Variants in INTS4 observed in about 807,000 individuals in gnomAD.
INTS4 encodes the protein integrator complex subunit 4.
Under a neutral mutation model 119.5 loss-of-function variants are expected in INTS4, and 70 were observed. The ratio of observed to expected loss-of-function variants is 0.59; its 90% CI spans 0.48 to 0.71. The LOEUF (loss-of-function observed/expected upper bound fraction) is 0.71, where lower values mean the gene tolerates loss of function less well. Among genes scored for constraint, INTS4 ranks in the 30% least tolerant of loss-of-function variants. The probability of loss-of-function intolerance (pLI) is 0.00; values close to 1 mark genes in which losing one functional copy is unlikely to be tolerated. For synonymous variants in INTS4, 316 were observed against 419.6 expected, an observed-to-expected ratio of 0.75 and a Z score of 3.02; for missense variants, 867 against 1,173.2, an observed-to-expected ratio of 0.74 and a Z score of 3.81.
intron 22 of INTS4, among the ~76,000 whole-genome samples, chr11:77,879,556 T>C (rs1053314332): frequency 2.6e-5 from 4 of 152,174 alleles, no homozygotes; most frequent in African/African-American, 7.2e-5. Context: ...GACTACTTTA[T>C]TAGTGGAGAG....
At chr11:77,879,592 G>A (rs963204335) in intron 22 of INTS4, among the ~76,000 whole-genome samples, 4 of 152,110 alleles carry the variant, frequency 2.6e-5, no homozygotes, top group Admixed American at 2.6e-4. Flanking sequence ...GAAGTGGTTC[G>A]CCAAAAAGTT....
At chr11:77,883,531 T>C (rs1951873872) in intron 22 of INTS4, among the ~76,000 whole-genome samples, 5 of 152,300 alleles carry the variant, frequency 3.3e-5, no homozygotes, top group Admixed American at 3.3e-4. Flanking sequence ...GCAGTTAGGA[T>C]AAGAATAATC....
At chr11:77,913,613 T>C (rs1267538353) in intron 15 of INTS4, among the ~76,000 whole-genome samples, 1 of 152,140 alleles carries the variant, frequency 6.6e-6, no homozygotes, top group Non-Finnish European at 1.5e-5. Context: ...GCCCAGCCAG[T>C]TAGTTTAAAT....
intron 10 of INTS4, among the ~76,000 whole-genome samples, chr11:77,928,903 C>T (rs1953576905): frequency 6.6e-6 from 1 of 152,034 alleles, no homozygotes; most frequent in African/African-American, 2.4e-5. Flanking sequence ...CGCCTATAGT[C>T]CCATCTACTT....
intron 3 of INTS4, among the ~76,000 whole-genome samples, chr11:77,981,027 T>A (rs925108428): frequency 6.6e-6 from 1 of 151,984 alleles, no homozygotes; most frequent in Non-Finnish European, 1.5e-5. Flanking sequence ...ACGAGTACTG[T>A]ATGTTCAGTT....
downstream of INTS4, chr11:77,876,903 C>T (rs1271485889): frequency 1.4e-6 from 1 of 696,402 alleles, no homozygotes; most frequent in Non-Finnish European, 2.6e-6. Flanking sequence ...ATAATTACAG[C>T]ACGATGGGCT....
intron 18 of INTS4, among the ~76,000 whole-genome samples, chr11:77,896,153 A>G (rs1380304810): frequency 6.6e-6 from 1 of 152,218 alleles, no homozygotes; most frequent in South Asian, 2.1e-4. Flanking sequence ...GGGGATTTAA[A>G]AGGATATTAC....
intron 15 of INTS4, chr11:77,918,031 C>T (rs1387021955): frequency 1.4e-6 from 1 of 701,622 alleles, no homozygotes; most frequent in Non-Finnish European, 2.6e-6. Flanking sequence ...GAGATGATAC[C>T]TTTCTCTTCC....
At chr11:77,945,843 C>T (rs1013508077) in intron 8 of INTS4, among the ~76,000 whole-genome samples, 1 of 152,218 alleles carries the variant, frequency 6.6e-6, no homozygotes, top group Admixed American at 6.5e-5. Context: ...CACAGTCCCA[C>T]AGCACACAGT....
chr11:77,917,610 G>A (rs373585849), intron 15 of INTS4, among the ~76,000 whole-genome samples: 5 of 151,866 alleles, frequency 3.3e-5, no homozygotes, highest in South Asian at 2.1e-4. Flanking sequence ...GCACCTGGCC[G>A]ATATAATATT....
chr11:77,961,454 G>C (rs1003520525), intron 4 of INTS4, among the ~76,000 whole-genome samples: 1 of 151,998 alleles, frequency 6.6e-6, no homozygotes. Context: ...CGTTTTATTT[G>C]CTTTCAAATT....
intron 15 of INTS4, among the ~76,000 whole-genome samples, chr11:77,908,383 C>T (rs375570006): frequency 1.3e-5 from 2 of 149,868 alleles, no homozygotes; most frequent in South Asian, 2.1e-4. Context: ...GACTGGAGTA[C>T]AGTGGCGTGA....
At chr11:77,890,943 A>G (rs1952235384) in intron 21 of INTS4, among the ~76,000 whole-genome samples, 1 of 152,212 alleles carries the variant, frequency 6.6e-6, no homozygotes, top group Non-Finnish European at 1.5e-5. Context: ...CGACTGACTC[A>G]TAGCCTGAAA....
At position 77,991,316 on chromosome 11, in the gene INTS4, A is replaced by G. The variant is rs1328164473; in HGVS notation, c.55-17T>C. The G allele has an allele frequency of 6.3e-7, 1 of 1,596,442 alleles. No homozygotes were observed. Among genetic ancestry groups the G allele is most frequent in the South Asian group, 1.1e-5 (1 of 90,142 alleles). ...CTCCTGTGGCTGCAAGGGGTAGAGA[A>G]AATCGAAAACACAGAATCTGCAAAT... On this transcript the variant is annotated splice_polypyrimidine_tract_variant and intron_variant, in intron 1 of 22. Transcript: ENST00000534064.
At chr11:77,970,928 C>A (rs1855705085) in intron 4 of INTS4, among the ~76,000 whole-genome samples, 1 of 152,138 alleles carries the variant, frequency 6.6e-6, no homozygotes, top group South Asian at 2.1e-4. Context: ...ATGCCTCAGC[C>A]TCCCGAGTAG....
intron 21 of INTS4, among the ~76,000 whole-genome samples, chr11:77,885,981 G>A (rs1191911684): frequency 3.3e-5 from 5 of 152,054 alleles, no homozygotes. Flanking sequence ...CGGGAGGATT[G>A]CTTGAAGACA....
chr11:77,958,931 G>C (rs1565273062), intron 6 of INTS4, 97 bp from the exon 7 acceptor site: 6 of 777,722 alleles, frequency 7.7e-6, no homozygotes, highest in African/African-American at 3.4e-5. Context: ...GGATAAGGAT[G>C]CCCAGTAAAA....
In INTS4 at chr11:77,951,533, A is replaced by C. The variant is rs182774039; in HGVS notation, c.918+4409T>G. 2.2e-4 allele frequency among the ~76,000 whole-genome samples: 34 copies of C among 152,318 alleles called. No individual in the cohort carries two copies. In the East Asian group the frequency reaches 6.6e-3, roughly 29 times the overall value. On this transcript the variant is annotated intron_variant, in intron 8 of 22. Transcript: ENST00000534064. ...TAATTCAAGATGGATTAAAGACTTA[A>C]ATGTTAGACCTAAAACCATAAAAAT...
intron 21 of INTS4, among the ~76,000 whole-genome samples, chr11:77,890,622 C>T (rs1025142842): frequency 1.3e-5 from 2 of 152,092 alleles, no homozygotes; most frequent in Non-Finnish European, 2.9e-5. Context: ...ATTGCCTGCC[C>T]ATTTGTATGT....
Sources: gnomAD v4.1 joint callset for allele counts (sites outside exome capture counted in the v4.1 genomes callset) on GRCh38, gnomAD v4.1.1 for gene constraint, MANE v1.5 for transcripts, NCBI Gene and HGNC (gene_info 2026-07-23, HGNC 2026-07-21) for gene names.